PDE2A: variants seen among roughly 807,000 people sequenced by gnomAD.
The protein encoded by PDE2A is phosphodiesterase 2A.
In PDE2A, 53 loss-of-function variants were observed where a neutral mutation model predicts 133.6. The observed-to-expected ratio is 0.40, with a 90% CI of 0.32 to 0.50. The LOEUF (loss-of-function observed/expected upper bound fraction) is 0.50. Ranked by LOEUF, PDE2A falls within the 20% of genes least tolerant of loss-of-function variation. The pLI is 0.73. For synonymous variants in PDE2A, 491 were observed against 490.2 expected (o/e 1.00, Z -0.02); for missense variants, 796 against 1,232.4 (o/e 0.65, Z 5.30).
chr11:72,596,389 G>A (rs1284481616), intron 6 of PDE2A, among the ~76,000 whole-genome samples: 2 of 151,790 alleles, frequency 1.3e-5, no homozygotes, highest in African/African-American at 2.4e-5. Context: ...TGGGGTGTGG[G>A]AGATGCCCCA....
chr11:72,636,051 G>C, intron 2 of PDE2A: 1 of 1,274,940 alleles, frequency 7.8e-7, no homozygotes, highest in South Asian at 1.3e-5. Context: ...ACCGTGGATG[G>C]GAGGCATGCA....
chr11:72,596,636 G>A lies in PDE2A; in HGVS notation c.446C>T (p.Pro149Leu), dbSNP rs987916591. Residue 149 changes from proline (P) to leucine (L), a missense_variant, in exon 6 of 31, where the codon CCG (proline) becomes CTG (leucine). Pro to Leu is a moderately conservative substitution (Grantham distance 98, BLOSUM62 -3). Transcript: ENST00000334456. ...LAPDTQVLVM[P>L]LADKEAGAVA... ...GGCCCCAGCCTCCTTGTCCGCTAGC[G>A]GCATGACCAGCACTGAGGGGGAGAG... 3 of 1,511,668 alleles carry A rather than the reference G, an allele frequency of 2.0e-6. No individual in the cohort carries two copies. Among genetic ancestry groups the A allele is most frequent in the South Asian group, 1.3e-5 (1 of 75,948 alleles). The allele number at this position is 1,511,668 out of a possible 1,614,324, so 93.6% of individuals were successfully genotyped here. A position where few individuals can be genotyped will look rare whatever the true frequency, so the allele number is the denominator to read the frequency against.
chr11:72,610,169 C>A (rs1857142595), intron 2 of PDE2A, among the ~76,000 whole-genome samples: 1 of 152,164 alleles, frequency 6.6e-6, no homozygotes, highest in South Asian at 2.1e-4. Flanking sequence ...GGTTATCAGT[C>A]TCCAACTCCA....
intron 2 of PDE2A, 54 bp downstream of exon 2, chr11:72,642,200 C>T (rs1858982964): frequency 2.2e-6 from 3 of 1,392,616 alleles, no homozygotes; most frequent in East Asian, 6.1e-5. Flanking sequence ...AGACCCGGCC[C>T]GGCGCTCGCC....
chr11:72,672,254 C>A (rs187808519), intron 1 of PDE2A, among the ~76,000 whole-genome samples: 33 of 152,214 alleles, frequency 2.2e-4, no homozygotes, highest in Non-Finnish European at 2.5e-4. Context: ...CAGCTCACTG[C>A]AACCTCCACC....
intron 2 of PDE2A, among the ~76,000 whole-genome samples, chr11:72,622,870 A>C (rs1857849203): frequency 6.6e-6 from 1 of 152,222 alleles, no homozygotes; most frequent in Admixed American, 6.5e-5. Flanking sequence ...CAATTTAAAA[A>C]ATTTTAAGCT....
chr11:72,616,648 G>C (rs1032768588), intron 2 of PDE2A, among the ~76,000 whole-genome samples: 7 of 152,222 alleles, frequency 4.6e-5, no homozygotes, highest in African/African-American at 1.7e-4. Flanking sequence ...TACAGTCTCA[G>C]AGAAGGAGCC....
chr11:72,674,001 G>A (rs1855444622), intron 1 of PDE2A, 136 bp downstream of exon 1: 2 of 823,172 alleles, frequency 2.4e-6, no homozygotes, highest in South Asian at 3.6e-5. Flanking sequence ...CGGGGAGGAG[G>A]GGTGCCCAGG....
chr11:72,602,584 A>G (rs988568254), intron 4 of PDE2A, among the ~76,000 whole-genome samples: 1 of 152,166 alleles, frequency 6.6e-6, no homozygotes. Context: ...CCCTGTACCC[A>G]ACCCCACCCA....
chr11:72,584,068 C>G (rs1855843399), intron 19 of PDE2A, 133 bp downstream of exon 19: 1 of 622,594 alleles, frequency 1.6e-6, no homozygotes, highest in Non-Finnish European at 2.9e-6. Flanking sequence ...AGGCTGCACC[C>G]CAGCGGCGGG....
Position 72,657,446 on chromosome 11 carries a change from A to G in PDE2A, c.72-15120T>C, listed in dbSNP as rs545568532. On this transcript the variant is annotated intron_variant, in intron 1 of 30. Coordinates refer to ENST00000334456, the MANE Select transcript of PDE2A (RefSeq NM_002599.5). ...ATCTGAATGAACTCCAGTCCATGCC[A>G]GATGCAGCCCCATGCCCCGGCCCCT... Among the ~76,000 whole-genome samples, 13 of 152,246 alleles carry G rather than the reference A, an allele frequency of 8.5e-5. No individual in the cohort carries two copies. In the East Asian group the frequency reaches 2.1e-3, roughly 25 times the overall value.
At chr11:72,642,041 G>A (rs913007670) in intron 2 of PDE2A, among the ~76,000 whole-genome samples, 6 of 152,240 alleles carry the variant, frequency 3.9e-5, no homozygotes, top group Non-Finnish European at 1.5e-5. Flanking sequence ...GTGGAGCCCC[G>A]GATCCGAAAG....
At chr11:72,653,554 CAGG>C in intron 1 of PDE2A, among the ~76,000 whole-genome samples, 1 of 152,174 alleles carries the variant, frequency 6.6e-6, no homozygotes, top group East Asian at 1.9e-4. Context: ...AGAGGCATGA[CAGG>C]AGGAGATAAG....
rs1236519696 is a variant in PDE2A at position 72,597,999 on chromosome 11, G to A, written c.324-380C>T. ...TTCCCAAGGAGAACTAGGGTGGAGA[G>A]AGAAGAACCCTCCCTGTCACCATCC... On this transcript the variant is annotated intron_variant, in intron 4 of 30. Coordinates refer to ENST00000334456, the MANE Select transcript of PDE2A (RefSeq NM_002599.5). This position sits in a 1 kb window ranked among gnomAD's most constrained non-coding sequence, Gnocchi z 4.6. 1.3e-5 allele frequency among the ~76,000 whole-genome samples: 2 copies of A among 152,214 alleles called. No homozygotes were observed. Among genetic ancestry groups the A allele is most frequent in the Non-Finnish European group, 2.9e-5 (2 of 68,036 alleles).
In PDE2A at chr11:72,590,345, C is replaced by A. The variant is rs112137530; in HGVS notation, c.703+82G>T. 1,786 of 1,540,090 alleles carry A rather than the reference C, an allele frequency of 1.2e-3. 11 individuals carry two copies. In the African/African-American group the frequency reaches 0.022, roughly 19 times the overall value. Reference sequence around the variant, plus strand: ...CTCCGCGCCGGGCCCGCCGCCGGCTCCCGGGATCGCCTAACCCGCCCACCT... The same window carrying A: ...CTCCGCGCCGGGCCCGCCGCCGGCTACCGGGATCGCCTAACCCGCCCACCT... On this transcript the variant is annotated intron_variant, in intron 8 of 30. Coordinates refer to ENST00000334456, the MANE Select transcript of PDE2A (RefSeq NM_002599.5). The surrounding 1 kb of genome is among the most constrained non-coding windows in gnomAD (Gnocchi z 4.8).
intron 6 of PDE2A, among the ~76,000 whole-genome samples, chr11:72,595,420 G>A (rs1856434965): frequency 1.3e-5 from 2 of 151,962 alleles, no homozygotes; most frequent in South Asian, 4.2e-4. Context: ...AGAAACCGGG[G>A]GTGGGGGGAG....
At position 72,621,589 on chromosome 11, in the gene PDE2A, C is replaced by G. The variant is rs118043063; in HGVS notation, c.145-12838G>C. On this transcript the variant is annotated intron_variant, in intron 2 of 30. Transcript: ENST00000334456. ...ACTGGGTGTCACAGGGCCACACACA[C>G]AGTGATCTCTCACTGTCACCCTCAC... is the stretch of plus-strand genomic sequence containing the variant. Among the ~76,000 whole-genome samples, 16 of 152,312 alleles carry G rather than the reference C, an allele frequency of 1.1e-4. No homozygotes were observed. In the East Asian group the frequency reaches 2.3e-3, roughly 22 times the overall value.
At position 72,655,862 on chromosome 11, in the gene PDE2A, A is replaced by G. The variant is rs537268846; in HGVS notation, c.72-13536T>C. On this transcript the variant is annotated intron_variant, in intron 1 of 30. Coordinates refer to ENST00000334456, the MANE Select transcript of PDE2A (RefSeq NM_002599.5). Reference sequence around the variant, plus strand: ...TTCTGACACTCCAGCAAGGGAGTGCAGGCTATTCCCTAACCCTCGGGCCCC... The same window carrying G: ...TTCTGACACTCCAGCAAGGGAGTGCGGGCTATTCCCTAACCCTCGGGCCCC... Among the ~76,000 whole-genome samples, 5 of 152,326 alleles carry G rather than the reference A, an allele frequency of 3.3e-5. No homozygotes were observed. In the South Asian group the frequency reaches 1.0e-3, roughly 32 times the overall value.
At chr11:72,637,384 C>T (rs114913954) in intron 2 of PDE2A, among the ~76,000 whole-genome samples, 2 of 152,256 alleles carry the variant, frequency 1.3e-5, no homozygotes, top group South Asian at 4.1e-4. Context: ...GATTTTAAGG[C>T]CTGCATCCTG....
Sources: allele counts gnomAD v4.1 joint callset (sites outside exome capture counted in the v4.1 genomes callset), GRCh38; gene constraint gnomAD v4.1.1; non-coding constraint Gnocchi (gnomAD v3.1); transcripts MANE v1.5; gene names NCBI Gene and HGNC (gene_info 2026-07-23, HGNC 2026-07-21).